Variants in CHID1 observed in about 807,000 individuals in gnomAD.
The protein encoded by CHID1 is chitinase domain-containing protein 1.
A neutral mutation model predicts 55.4 loss-of-function variants in CHID1; 44 were observed. The ratio of observed to expected loss-of-function variants is 0.79; its 90% confidence interval spans 0.62 to 1.02. The LOEUF is 1.02. Ranked by LOEUF, CHID1 falls within the 50% of genes least tolerant of loss-of-function variation. The pLI is 0.00. For missense variants in CHID1, 491 were observed against 515.3 expected (o/e 0.95, Z 0.46); for synonymous variants, 216 against 212.9 (o/e 1.01, Z -0.13).
At chr11:894,709 G>A (rs1395701703) in intron 7 of CHID1, among the ~76,000 whole-genome samples, 1 of 152,188 alleles carries the variant, frequency 6.6e-6, no homozygotes, top group Non-Finnish European at 1.5e-5. Flanking sequence ...CCCCACTCCA[G>A]CACAAGCCTC....
chr11:909,964 G>A (rs1256022090), intron 1 of CHID1, among the ~76,000 whole-genome samples: 1 of 152,016 alleles, frequency 6.6e-6, no homozygotes, highest in African/African-American at 2.4e-5. Context: ...GGAGACTGAG[G>A]CAGGAAAATC....
At chr11:912,846 A>G (rs1044356986), upstream of CHID1, among the ~76,000 whole-genome samples, 65 of 151,554 alleles carry the variant, frequency 4.3e-4, no homozygotes, top group South Asian at 8.3e-4. Context: ...TCAAAAAAAA[A>G]AAAAAGAAAA....
chr11:883,970 A>C, intron 9 of CHID1, 98 bp downstream of exon 9: 1 of 942,958 alleles, frequency 1.1e-6, no homozygotes, highest in African/African-American at 1.6e-5. Context: ...AACCACAGGC[A>C]AGAGGGCATC....
chr11:896,790 T>G (rs1851339724), intron 7 of CHID1, among the ~76,000 whole-genome samples: 2 of 136,066 alleles, frequency 1.5e-5, no homozygotes, highest in Non-Finnish European at 1.6e-5. Flanking sequence ...GCCCCCAGCC[T>G]CCACCCCAGA....
At chr11:909,144 G>C (rs1185466939) in intron 1 of CHID1, among the ~76,000 whole-genome samples, 2 of 152,176 alleles carry the variant, frequency 1.3e-5, no homozygotes, top group Non-Finnish European at 2.9e-5. Flanking sequence ...CTGCAACCAG[G>C]CCCTTGTCTG....
Position 875,872 on chromosome 11 carries a change from G to A in CHID1, c.960-5373C>T, listed in dbSNP as rs749831762. Among the ~76,000 whole-genome samples the A allele has an allele frequency of 1.3e-5, 2 of 152,092 alleles. No individual in the cohort carries two copies. Among genetic ancestry groups the A allele is most frequent in the African/African-American group, 2.4e-5 (1 of 41,410 alleles). ...CGGGTGACAGACAGGATGAAGGAAC[G>A]ATGGGCTCCACTCTGCAGAGGACAC... On this transcript the variant is annotated intron_variant, in intron 10 of 12. Coordinates refer to ENST00000323578, the MANE Select transcript of CHID1 (RefSeq NM_023947.4). The surrounding 1 kb of genome is among the most constrained non-coding windows in gnomAD (Gnocchi z 4.7).
intron 10 of CHID1, chr11:882,617 G>C (rs1850053670): frequency 6.5e-6 from 1 of 154,668 alleles, no homozygotes; most frequent in Admixed American, 6.3e-5. Context: ...ACAGGCAGGA[G>C]AAAGAGGTGG....
In CHID1 at chr11:900,105, G is replaced by A. The variant is rs1288483282; in HGVS notation, c.445C>T (p.Arg149Trp). The part of the protein sequence containing the change: ...KHAKGLHIVP[R>W]LLFEDWTYDD... ...TAAGTCCAGTCCTCAAACAGGAGCC[G>A]AGGCACTGCAGGGGCAACAGACACA... is the stretch of plus-strand genomic sequence containing the variant. Residue 149 changes from arginine to tryptophan, a missense_variant, in exon 6 of 13, where the codon CGG becomes TGG. Arg to Trp is a moderately radical substitution (Grantham distance 101). Coordinates refer to ENST00000323578, the MANE Select transcript of CHID1 (RefSeq NM_023947.4). The A allele has an allele frequency of 5.0e-6, 8 of 1,613,242 alleles. No homozygotes were observed. Among genetic ancestry groups the A allele is most frequent in the South Asian group, 2.2e-5 (2 of 91,072 alleles).
chr11:871,276 C>T (rs921303554), intron 10 of CHID1, among the ~76,000 whole-genome samples: 1 of 152,150 alleles, frequency 6.6e-6, no homozygotes, highest in African/African-American at 2.4e-5. Flanking sequence ...CAGGCGTGAG[C>T]CACCGCGCCT....
chr11:899,418 C>A lies in CHID1; in HGVS notation c.547-17G>T. On this transcript the variant is annotated splice_polypyrimidine_tract_variant and intron_variant, in intron 6 of 12. Coordinates refer to ENST00000323578, the MANE Select transcript of CHID1 (RefSeq NM_023947.4). ...ATGCTGGTTCTGAAAGAAGCAGTCA[C>A]AGGTGAGGAGGGCCTGGAGGCCCAG... 1.9e-6 allele frequency: 3 copies of A among 1,591,300 alleles called. No individual in the cohort carries two copies. Among genetic ancestry groups the A allele is most frequent in the Non-Finnish European group, 2.6e-6 (3 of 1,168,338 alleles).
chr11:885,436 G>A (rs887728468), intron 8 of CHID1, among the ~76,000 whole-genome samples: 4 of 152,112 alleles, frequency 2.6e-5, no homozygotes, highest in Non-Finnish European at 5.9e-5. Context: ...AGGCTGTCCC[G>A]GCCTGCAGGT....
intron 8 of CHID1, among the ~76,000 whole-genome samples, chr11:892,123 A>AT (rs1323646316): frequency 2.0e-5 from 3 of 152,062 alleles, no homozygotes; most frequent in Admixed American, 1.3e-4. Flanking sequence ...TCAAAAAAAA[A>AT]GAAAAAGAAA....
chr11:905,968 T>G (rs2134356946), intron 1 of CHID1, among the ~76,000 whole-genome samples: 1 of 152,312 alleles, frequency 6.6e-6, no homozygotes, highest in East Asian at 1.9e-4. Flanking sequence ...CTACCCATAA[T>G]CTATTCATAA....
chr11:909,690 ACTC>A (rs1257432015), intron 1 of CHID1, among the ~76,000 whole-genome samples: 2 of 151,850 alleles, frequency 1.3e-5, no homozygotes, highest in African/African-American at 4.8e-5. Context: ...CGCACTGACA[ACTC>A]CTGTTCTGTT....
rs565798538 is a variant in CHID1, at chr11:884,239, G to A, written c.702-70C>T. 6.3e-5 allele frequency: 77 copies of A among 1,231,962 alleles called. 1 individual carries two copies. In the South Asian group the frequency reaches 7.1e-4, roughly 11 times the overall value. The allele number at this position is 1,231,962 out of a possible 1,614,324, so 76.3% of individuals were successfully genotyped here. A position where few individuals can be genotyped will look rare whatever the true frequency, so the allele number is the denominator to read the frequency against. On this transcript the variant is annotated intron_variant, in intron 8 of 12. Transcript: ENST00000323578. ...TGAAGCCCCTCCCCAGCTGCGGTTC[G>A]AGCAAGCTGCCTGTAGGGGACTTGG...
rs948148924 is a variant in CHID1, at chr11:874,034, T to C, written c.960-3535A>G. ...GTCCTTGGACCTCCTGATGTGTGTG[T>C]GTGTGGGGGGCGTCACCCCACGGAG... is the stretch of plus-strand genomic sequence containing the variant. On this transcript the variant is annotated intron_variant, in intron 10 of 12. Coordinates refer to ENST00000323578, the MANE Select transcript of CHID1 (RefSeq NM_023947.4). Among the ~76,000 whole-genome samples the C allele has an allele frequency of 4.9e-4, 75 of 152,038 alleles. 1 individual carries two copies. The highest frequency in any genetic ancestry group is 1.7e-3 in the African/African-American group (70 of 41,388).
chr11:882,931 C>T (rs371007756), intron 10 of CHID1: 38 of 533,464 alleles, frequency 7.1e-5, no homozygotes, highest in African/African-American at 6.1e-4. Context: ...GACAGCCTCA[C>T]GCAGATGTGT....
At chr11:873,895 A>G (rs986117899) in intron 10 of CHID1, among the ~76,000 whole-genome samples, 1 of 152,194 alleles carries the variant, frequency 6.6e-6, no homozygotes, top group African/African-American at 2.4e-5. Flanking sequence ...AAGGAAAGCC[A>G]AACAGGATAT....
chr11:906,323 C>T (rs1214419067), intron 1 of CHID1, among the ~76,000 whole-genome samples: 1 of 151,808 alleles, frequency 6.6e-6, no homozygotes, highest in Non-Finnish European at 1.5e-5. Flanking sequence ...ACTGCAACCT[C>T]CACCTCCTGG....
Sources: allele counts gnomAD v4.1 joint callset (sites outside exome capture counted in the v4.1 genomes callset), GRCh38; gene constraint gnomAD v4.1.1; non-coding constraint Gnocchi (gnomAD v3.1); transcripts MANE v1.5; gene names NCBI Gene and HGNC (gene_info 2026-07-23, HGNC 2026-07-21).